The following TMCO4 variants were observed in gnomAD, a reference collection of about 807,000 sequenced individuals.
TMCO4 encodes transmembrane and coiled-coil domain-containing protein 4.
A neutral mutation model predicts 64.7 loss-of-function variants in TMCO4; 58 were observed. The ratio of observed to expected loss-of-function variants is 0.90; its 90% confidence interval spans 0.73 to 1.12. The LOEUF is 1.12. Ranked by LOEUF, TMCO4 falls within the 50% of genes most tolerant of loss-of-function variation. The pLI is 0.00. For synonymous variants in TMCO4, 325 were observed against 346.1 expected (o/e 0.94, Z 0.68); for missense variants, 780 against 825.9 (o/e 0.94, Z 0.68).
intron 6 of TMCO4, among the ~76,000 whole-genome samples, chr1:19,766,843 C>T (rs2042755835): frequency 6.6e-6 from 1 of 152,134 alleles, no homozygotes; most frequent in East Asian, 1.9e-4. Flanking sequence ...GTCAGCAAAC[C>T]ACTTCCCCCT....
intron 2 of TMCO4, among the ~76,000 whole-genome samples, chr1:19,788,746 C>T (rs562541206): frequency 1.2e-4 from 19 of 152,058 alleles, no homozygotes; most frequent in Non-Finnish European, 2.1e-4. Context: ...GAACAGAATT[C>T]GACTGCATAT....
chr1:19,712,619 CAAAA>C (rs35058157), intron 13 of TMCO4, among the ~76,000 whole-genome samples: 2 of 91,604 alleles, frequency 2.2e-5, no homozygotes, highest in Non-Finnish European at 2.1e-5. Flanking sequence ...GACTCCGTCT[CAAAA>C]AAAAAAAAAA....
intron 13 of TMCO4, among the ~76,000 whole-genome samples, chr1:19,731,623 G>A (rs567242686): frequency 5.9e-5 from 9 of 152,222 alleles, no homozygotes; most frequent in Admixed American, 1.3e-4. Flanking sequence ...GTACCTTGCC[G>A]CGTCCTGCAA....
At chr1:19,759,980 A>G (rs1167362414) in intron 6 of TMCO4, among the ~76,000 whole-genome samples, 3 of 152,090 alleles carry the variant, frequency 2.0e-5, no homozygotes, top group African/African-American at 7.2e-5. Flanking sequence ...ACCTGCCCCA[A>G]GCAGCACAAA....
At chr1:19,749,393 G>A (rs2041931286) in intron 7 of TMCO4, among the ~76,000 whole-genome samples, 1 of 151,648 alleles carries the variant, frequency 6.6e-6, no homozygotes, top group Admixed American at 6.6e-5. Context: ...TTTGAGACAA[G>A]GCCTGGCTCT....
intron 6 of TMCO4, among the ~76,000 whole-genome samples, chr1:19,767,873 C>T (rs914102760): frequency 6.6e-6 from 1 of 152,108 alleles, no homozygotes; most frequent in Non-Finnish European, 1.5e-5. Context: ...GGGTGGATCA[C>T]TTGTGGTCAG....
chr1:19,792,132 T>C (rs533283355), intron 2 of TMCO4, among the ~76,000 whole-genome samples: 1 of 152,344 alleles, frequency 6.6e-6, no homozygotes, highest in East Asian at 1.9e-4. Flanking sequence ...TTTTTCTTTA[T>C]AAATTACCCA....
At chr1:19,709,941 C>T (rs1314786832) in intron 13 of TMCO4, among the ~76,000 whole-genome samples, 1 of 150,998 alleles carries the variant, frequency 6.6e-6, no homozygotes, top group East Asian at 1.9e-4. Flanking sequence ...GCCACCATGC[C>T]CAGTTAATTT....
chr1:19,740,926 G>A lies in TMCO4; in HGVS notation c.893C>T (p.Pro298Leu), dbSNP rs371982006. The A allele has an allele frequency of 4.0e-5, 64 of 1,611,246 alleles. No homozygotes were observed. Among genetic ancestry groups the A allele is most frequent in the Middle Eastern group, 1.7e-4 (1 of 5,944 alleles). ...ASGKYRTFSAPWAALAHSREQ... is the reference protein window; with the variant it reads ...ASGKYRTFSALWAALAHSREQ... The stretch of plus-strand genomic sequence containing the variant: ...ACGGCTGTGGGCCAGGGCAGCCCAC[G>A]GGGCACTGAAGGTGCCTGGGGAGAT... Residue 298 changes from proline to leucine, a missense_variant, in exon 11 of 16, where the codon CCG (proline) becomes CTG (leucine). Coordinates refer to ENST00000294543, the MANE Select transcript of TMCO4 (RefSeq NM_181719.7).
At chr1:19,783,957 G>GC (rs1186534297) in intron 3 of TMCO4, among the ~76,000 whole-genome samples, 2 of 152,320 alleles carry the variant, frequency 1.3e-5, no homozygotes, top group East Asian at 3.9e-4. Context: ...GGGAACAGGG[G>GC]CAACAGCATA....
intron 11 of TMCO4, 49 bp from the exon 12 acceptor site, chr1:19,740,009 CT>C (rs1557543581): frequency 6.4e-7 from 1 of 1,558,076 alleles, no homozygotes; most frequent in South Asian, 1.2e-5. Context: ...TCCTAGGGTC[CT>C]ACTAGGGAAG....
intron 15 of TMCO4, among the ~76,000 whole-genome samples, chr1:19,686,297 G>A (rs767308375): frequency 6.6e-6 from 1 of 152,128 alleles, no homozygotes; most frequent in Non-Finnish European, 1.5e-5. Context: ...TGCCAAAGAT[G>A]CGCATGAGAC....
intron 13 of TMCO4, among the ~76,000 whole-genome samples, chr1:19,708,285 A>G (rs1388599132): frequency 6.6e-6 from 1 of 152,010 alleles, no homozygotes; most frequent in Non-Finnish European, 1.5e-5. Context: ...CTATCTTGTG[A>G]ATTGCTCTTG....
intron 13 of TMCO4, among the ~76,000 whole-genome samples, chr1:19,720,119 G>A (rs148496558): frequency 5.9e-4 from 89 of 151,104 alleles, no homozygotes; most frequent in African/African-American, 2.2e-3. Flanking sequence ...AAGGCACTGG[G>A]ATTACAGGTA....
chr1:19,781,771 C>T (rs1399410045), intron 3 of TMCO4, among the ~76,000 whole-genome samples: 7 of 152,116 alleles, frequency 4.6e-5, no homozygotes, highest in Admixed American at 1.3e-4. Context: ...CTCAGCCTCC[C>T]GCGTAGCTGG....
At position 19,683,137 on chromosome 1, in the gene TMCO4, T is replaced by C; in HGVS notation, c.1808A>G (p.Glu603Gly). 2 of 1,613,954 alleles carry C rather than the reference T, an allele frequency of 1.2e-6. No individual in the cohort carries two copies. Among genetic ancestry groups the C allele is most frequent in the South Asian group, 1.1e-5 (1 of 91,062 alleles). ...GCCATGGCTGCAGATGGGGGGCCTT[T>C]CAGGGCTGGCAGCAGCAGGAAGGGA... ...GASLPAAASP[E>G]RPPICSHGMD... is the part of the protein sequence containing the mutation. Residue 603 changes from glutamate (E) to glycine (G), a missense_variant, in exon 16 of 16, where the codon GAA becomes GGA. Glu to Gly is a moderately conservative substitution (Grantham distance 98, BLOSUM62 -2). Coordinates refer to ENST00000294543, the MANE Select transcript of TMCO4 (RefSeq NM_181719.7).
chr1:19,694,689 TG>T, intron 14 of TMCO4, 138 bp from the exon 15 acceptor site: 1 of 732,070 alleles, frequency 1.4e-6, no homozygotes, highest in Non-Finnish European at 2.3e-6. Flanking sequence ...GATTGCACGG[TG>T]GGGATGGAAG....
chr1:19,738,588 C>T (rs1425934533), intron 12 of TMCO4, among the ~76,000 whole-genome samples: 1 of 152,250 alleles, frequency 6.6e-6, no homozygotes, highest in South Asian at 2.1e-4. Flanking sequence ...CAGACTCTTA[C>T]TTGGGAGAGA....
At chr1:19,738,832 T>C (rs2095467095) in intron 12 of TMCO4, among the ~76,000 whole-genome samples, 1 of 152,196 alleles carries the variant, frequency 6.6e-6, no homozygotes, top group Non-Finnish European at 1.5e-5. Context: ...TCAGAATAAA[T>C]ACTATATTTC....
Sources: gnomAD v4.1 joint callset for allele counts (sites outside exome capture counted in the v4.1 genomes callset) on GRCh38, gnomAD v4.1.1 for gene constraint, MANE v1.5 for transcripts, NCBI Gene and HGNC (gene_info 2026-07-23, HGNC 2026-07-21) for gene names.